The following PLEKHA1 variants were observed in gnomAD, a reference collection of about 807,000 sequenced individuals.
PLEKHA1 encodes the protein pleckstrin homology domain-containing family A member 1.
PLEKHA1 carries 34 observed loss-of-function variants against 52.0 expected under a neutral mutation model. The observed-to-expected ratio is 0.65, with a 90% CI of 0.50 to 0.87. The LOEUF (loss-of-function observed/expected upper bound fraction) is 0.87, where lower values mean the gene tolerates loss of function less well. Among genes scored for constraint, PLEKHA1 ranks in the 40% least tolerant of loss-of-function variants. PLEKHA1 has a pLI of 0.00. For missense variants in PLEKHA1, 497 were observed against 504.2 expected (o/e 0.99, Z 0.14); for synonymous variants, 163 against 170.7 (o/e 0.95, Z 0.35).
chr10:122,419,571 G>A (rs2097228919), intron 8 of PLEKHA1: 3 of 152,140 alleles, frequency 2.0e-5, no homozygotes, highest in African/African-American at 7.2e-5. Flanking sequence ...TGAACCTGGT[G>A]CACTGTTCTG....
rs1452511105 is a variant in PLEKHA1 at position 122,430,744 on chromosome 10, CAA to C, written c.*807_*808del. 4 of 152,172 alleles carry C rather than the reference CAA, an allele frequency of 2.6e-5. No homozygotes were observed. Among genetic ancestry groups the C allele is most frequent in the Non-Finnish European group, 5.9e-5 (4 of 68,036 alleles). The allele number at this position is 152,172 out of a possible 1,614,324, so 9.4% of individuals were successfully genotyped here. ...CTATATTTGGATTGGTGAAAGACCT[CAA>C]GTTTATATGTAAAGACATAACTGCC... On this transcript the variant is annotated 3_prime_UTR_variant, in exon 12 of 12. Coordinates refer to ENST00000368990, the MANE Select transcript of PLEKHA1 (RefSeq NM_001001974.4).
intron 6 of PLEKHA1, 49 bp from the exon 7 acceptor site, chr10:122,415,810 G>A (rs1590785220): frequency 2.0e-6 from 3 of 1,521,402 alleles, no homozygotes; most frequent in South Asian, 2.4e-5. Context: ...TGAAATAAAA[G>A]TATGCTAAAC....
At chr10:122,417,147 G>T (rs1425205769) in intron 7 of PLEKHA1, 3 of 152,174 alleles carry the variant, frequency 2.0e-5, no homozygotes, top group East Asian at 3.9e-4. Context: ...AAAAATATTT[G>T]TACAAAATAG....
At chr10:122,410,890 AT>A (rs1215886960) in intron 5 of PLEKHA1, among the ~76,000 whole-genome samples, 1 of 151,990 alleles carries the variant, frequency 6.6e-6, no homozygotes, top group Non-Finnish European at 1.5e-5. Flanking sequence ...AGTTGAATAG[AT>A]TGTTTTCTCT....
Position 122,430,326 on chromosome 10 carries a change from T to A in PLEKHA1, c.*388T>A, listed in dbSNP as rs2097405851. ...AAAAAATGCTACAATGACTTCCTATTAAAGGTTCAATATTTACACATTCTT... is the reference window on the plus strand; with the variant it reads ...AAAAAATGCTACAATGACTTCCTATAAAAGGTTCAATATTTACACATTCTT... On this transcript the variant is annotated 3_prime_UTR_variant, in exon 12 of 12. Coordinates refer to ENST00000368990, the MANE Select transcript of PLEKHA1 (RefSeq NM_001001974.4). 1 of 162,534 alleles carries A rather than the reference T, an allele frequency of 6.2e-6. No individual in the cohort carries two copies. Among genetic ancestry groups the A allele is most frequent in the Non-Finnish European group, 1.3e-5 (1 of 74,718 alleles). The allele number at this position is 162,534 out of a possible 1,614,324, so 10.1% of individuals were successfully genotyped here.
chr10:122,396,540 G>A (rs1214958937), intron 2 of PLEKHA1, among the ~76,000 whole-genome samples: 1 of 152,040 alleles, frequency 6.6e-6, no homozygotes, highest in African/African-American at 2.4e-5. Flanking sequence ...AGGTGTGAAA[G>A]TTTTTAAAAG....
At chr10:122,406,735 A>G in intron 5 of PLEKHA1, 62 bp downstream of exon 5, 1 of 1,226,554 alleles carries the variant, frequency 8.2e-7, no homozygotes, top group Non-Finnish European at 1.2e-6. Context: ...TCATTTTGAA[A>G]ATACACCTAC....
downstream of PLEKHA1, chr10:122,434,166 G>A (rs985376723): frequency 3.3e-5 from 5 of 152,202 alleles, no homozygotes; most frequent in African/African-American, 1.2e-4. Flanking sequence ...TTTGTCCACT[G>A]CTGCTATGGT....
intron 2 of PLEKHA1, 111 bp from the exon 3 acceptor site, chr10:122,397,807 T>C: frequency 1.3e-6 from 1 of 787,068 alleles, no homozygotes; most frequent in South Asian, 2.4e-5. Context: ...TTGTAAAATG[T>C]GATATTAAAA....
Position 122,410,196 on chromosome 10 carries a change from A to G in PLEKHA1, c.343-2724A>G, listed in dbSNP as rs550505534. ...ATAAATACTTAAATCTGTCTTGTTC[A>G]TCTTTTTATTCTCTAGTTATTTTTA... On this transcript the variant is annotated intron_variant, in intron 5 of 11. Coordinates refer to ENST00000368990, the MANE Select transcript of PLEKHA1 (RefSeq NM_001001974.4). Among the ~76,000 whole-genome samples, 4 of 152,314 alleles carry G rather than the reference A, an allele frequency of 2.6e-5. No individual in the cohort carries two copies. In the South Asian group the frequency reaches 6.2e-4, roughly 24 times the overall value.
intron 4 of PLEKHA1, 70 bp downstream of exon 4, chr10:122,400,458 T>TG (rs2096912342): frequency 7.1e-7 from 1 of 1,403,960 alleles, no homozygotes. Context: ...AGAAAACTGT[T>TG]GCAGAAAACC....
chr10:122,413,831 C>CTT (rs912049488), intron 6 of PLEKHA1, among the ~76,000 whole-genome samples: 2 of 152,044 alleles, frequency 1.3e-5, no homozygotes, highest in Admixed American at 1.3e-4. Context: ...TATTGCCAAG[C>CTT]TTGGGTATTT....
At chr10:122,405,319 C>G (rs1254221760) in intron 4 of PLEKHA1, among the ~76,000 whole-genome samples, 1 of 151,870 alleles carries the variant, frequency 6.6e-6, no homozygotes, top group African/African-American at 2.4e-5. Context: ...ATATTTCTGT[C>G]TGATCAAAAA....
chr10:122,407,900 A>G (rs950294592), intron 5 of PLEKHA1, among the ~76,000 whole-genome samples: 1 of 152,216 alleles, frequency 6.6e-6, no homozygotes, highest in African/African-American at 2.4e-5. Flanking sequence ...TTATATCACA[A>G]CACAATAAAG....
Position 122,430,176 on chromosome 10 carries a change from G to GCC in PLEKHA1, c.*239_*240insCC, listed in dbSNP as rs2097404519. 1 of 423,448 alleles carries GCC rather than the reference G, an allele frequency of 2.4e-6. No individual in the cohort carries two copies. The highest frequency in any genetic ancestry group is 4.1e-6 in the Non-Finnish European group (1 of 242,868). 26.2% of individuals were successfully genotyped at this position (423,448 alleles called of 1,614,324 possible). A position where few individuals can be genotyped will look rare whatever the true frequency, so the allele number is the denominator to read the frequency against. On this transcript the variant is annotated 3_prime_UTR_variant, in exon 12 of 12. Transcript: ENST00000368990. ...AATATCTCAGTATCATCTGTCTGAA[G>GCC]CATTGTGTGTTCTCATTCGGGTGGT...
intron 1 of PLEKHA1, among the ~76,000 whole-genome samples, chr10:122,376,357 T>C (rs975277244): frequency 6.6e-6 from 1 of 151,898 alleles, no homozygotes; most frequent in Non-Finnish European, 1.5e-5. Context: ...AAAAAGAGTA[T>C]TTAAGTTTGA....
At chr10:122,374,883 T>C in intron 1 of PLEKHA1, 77 bp downstream of exon 1, 1 of 154,736 alleles carries the variant, frequency 6.5e-6, no homozygotes, top group Non-Finnish European at 1.4e-5. Context: ...TGGCGGCGGC[T>C]GCGGGGCTGC....
At chr10:122,417,071 T>G (rs1352350469) in intron 7 of PLEKHA1, 1 of 152,886 alleles carries the variant, frequency 6.5e-6, no homozygotes, top group Non-Finnish European at 1.5e-5. Flanking sequence ...TTTGTTTTAC[T>G]CTTAAGTCCA....
At chr10:122,402,559 T>G (rs1259240705) in intron 4 of PLEKHA1, among the ~76,000 whole-genome samples, 1 of 152,122 alleles carries the variant, frequency 6.6e-6, no homozygotes, top group Non-Finnish European at 1.5e-5. Context: ...AGCTAACCAT[T>G]TAAGTGTTCT....
Sources: allele counts gnomAD v4.1 joint callset (sites outside exome capture counted in the v4.1 genomes callset), GRCh38; gene constraint gnomAD v4.1.1; transcripts MANE v1.5; gene names NCBI Gene and HGNC (gene_info 2026-07-23, HGNC 2026-07-21).